Variants in ATP1A2 observed in about 807,000 individuals in gnomAD.
ATP1A2 encodes sodium/potassium-transporting ATPase subunit alpha-2.
Under a neutral mutation model 113.1 loss-of-function variants are expected in ATP1A2, and 56 were observed. That is an observed-to-expected ratio of 0.49 (90% CI 0.40 to 0.62). The LOEUF (loss-of-function observed/expected upper bound fraction) is 0.62, where lower values mean the gene tolerates loss of function less well. Among genes scored for constraint, ATP1A2 ranks in the 20% least tolerant of loss-of-function variants. The pLI is 0.00. For missense variants in ATP1A2, 712 were observed against 1,357.8 expected, an observed-to-expected ratio of 0.52 and a Z score of 7.47; for synonymous variants, 490 against 526.8, an observed-to-expected ratio of 0.93 and a Z score of 0.96.
chr1:160,125,319 G>T (rs1651552671), intron 7 of ATP1A2, 66 bp downstream of exon 7: 2 of 1,443,588 alleles, frequency 1.4e-6, no homozygotes, highest in South Asian at 1.1e-5. Context: ...AGGATGAAGG[G>T]CTCTGGTAGT....
rs547479153 is a variant in ATP1A2 at position 160,121,934 on chromosome 1, G to A, written c.177+683G>A. On this transcript the variant is annotated intron_variant, in intron 3 of 22. Transcript: ENST00000361216. ...ATCACTTAAGGTCAGCGGTTTGAGA[G>A]CAGCCTGGGCAACATGGCAAAACCC... 6.6e-5 allele frequency among the ~76,000 whole-genome samples: 10 copies of A among 152,226 alleles called. No individual in the cohort carries two copies. The South Asian group carries it at 2.1e-3, about 32-fold the overall frequency.
chr1:160,119,136 C>T (rs1221985440), intron 1 of ATP1A2, among the ~76,000 whole-genome samples: 1 of 151,054 alleles, frequency 6.6e-6, no homozygotes, highest in African/African-American at 2.4e-5. Flanking sequence ...TGTGTGGGGG[C>T]AGGAGATATA....
At chr1:160,138,267 C>T (rs1045370258) in intron 20 of ATP1A2, among the ~76,000 whole-genome samples, 1 of 152,178 alleles carries the variant, frequency 6.6e-6, no homozygotes, top group Non-Finnish European at 1.5e-5. Flanking sequence ...CTCACCTATG[C>T]GAAGGCAACC....
At chr1:160,127,380 G>A (rs1188328776) in intron 7 of ATP1A2, among the ~76,000 whole-genome samples, 172 bp from the exon 8 acceptor site, 2 of 152,194 alleles carry the variant, frequency 1.3e-5, no homozygotes, top group African/African-American at 2.4e-5. Flanking sequence ...AAGGATTGGC[G>A]ATCTATCCAG....
intron 17 of ATP1A2, 104 bp from the exon 18 acceptor site, chr1:160,136,143 T>G: frequency 6.2e-7 from 1 of 1,602,366 alleles, no homozygotes; most frequent in South Asian, 1.1e-5. Context: ...GAATACACGC[T>G]TTTTTAACTG....
intron 20 of ATP1A2, among the ~76,000 whole-genome samples, chr1:160,137,509 C>T (rs557419253): frequency 1.7e-3 from 260 of 152,282 alleles, no homozygotes; most frequent in Non-Finnish European, 3.2e-3. Context: ...TTTAGCCCCA[C>T]GATAGCTCTA....
rs78507938 is a variant in ATP1A2, at chr1:160,142,606, C to T, written c.*1284C>T. 0.014 allele frequency: 2,188 copies of T among 152,210 alleles called. 62 individuals carry two copies. The highest frequency in any genetic ancestry group is 0.049 in the African/African-American group (2,049 of 41,486). 9.4% of individuals were successfully genotyped at this position (152,210 alleles called of 1,614,324 possible). A position where few individuals can be genotyped will look rare whatever the true frequency, so the allele number is the denominator to read the frequency against. ...GGATCATGAGGTCAGGAGTTCGAGG[C>T]GAGCCTGGCCAACATGGTGAAACCC... is the stretch of plus-strand genomic sequence containing the variant. On this transcript the variant is annotated 3_prime_UTR_variant, in exon 23 of 23. Coordinates refer to ENST00000361216, the MANE Select transcript of ATP1A2 (RefSeq NM_000702.4).
intron 20 of ATP1A2, among the ~76,000 whole-genome samples, chr1:160,137,546 C>A (rs1319979428): frequency 6.6e-6 from 1 of 152,206 alleles, no homozygotes; most frequent in Non-Finnish European, 1.5e-5. Flanking sequence ...GTTTACATTT[C>A]ATGGATAAGA....
chr1:160,122,613 T>G (rs1295205624), intron 3 of ATP1A2, among the ~76,000 whole-genome samples: 1 of 152,130 alleles, frequency 6.6e-6, no homozygotes, highest in Non-Finnish European at 1.5e-5. Context: ...CAAGGCTTTC[T>G]GTGGAAAGTG....
Position 160,128,666 on chromosome 1 carries a change from G to A in ATP1A2, c.1032G>A (p.Leu344=), listed in dbSNP as rs1184210876. The change falls in exon 9 of 23, where the codon CTG becomes CTA. Residue 344 remains leucine (L), a synonymous_variant. Coordinates refer to ENST00000361216, the MANE Select transcript of ATP1A2 (RefSeq NM_000702.4). ...LLATVTVCLT[L]TAKRMARKNC... ...TTCTCTACCAGGTGTGCCTGACCCTGACAGCCAAGCGCATGGCACGGAAGA... is the reference window on the plus strand; with the variant it reads ...TTCTCTACCAGGTGTGCCTGACCCTAACAGCCAAGCGCATGGCACGGAAGA... The A allele has an allele frequency of 6.2e-7, 1 of 1,613,810 alleles. No homozygotes were observed. The highest frequency in any genetic ancestry group is 8.5e-7 in the Non-Finnish European group (1 of 1,179,686).
At chr1:160,130,744 G>A in intron 13 of ATP1A2, 147 bp downstream of exon 13, 1 of 1,178,196 alleles carries the variant, frequency 8.5e-7, no homozygotes, top group Non-Finnish European at 1.2e-6. Flanking sequence ...TGCAAGGAAA[G>A]GCCCACCCCT....
Position 160,141,466 on chromosome 1 carries a change from T to C in ATP1A2, c.*144T>C, listed in dbSNP as rs1180937389. 5.8e-6 allele frequency: 6 copies of C among 1,028,874 alleles called. No homozygotes were observed. Among genetic ancestry groups the C allele is most frequent in the Non-Finnish European group, 9.0e-6 (6 of 666,128 alleles). The allele number at this position is 1,028,874 out of a possible 1,614,324, so 63.7% of individuals were successfully genotyped here. A position where few individuals can be genotyped will look rare whatever the true frequency, so the allele number is the denominator to read the frequency against. On this transcript the variant is annotated 3_prime_UTR_variant, in exon 23 of 23. Coordinates refer to ENST00000361216, the MANE Select transcript of ATP1A2 (RefSeq NM_000702.4). ...TAATGAGGCAACTCAGCAGGCTAAG[T>C]TGCGGGGTATATAAATTGGGGTGAT...
intron 9 of ATP1A2, 32 bp from the exon 10 acceptor site, chr1:160,128,948 C>G (rs371640186): frequency 6.3e-7 from 1 of 1,594,628 alleles, no homozygotes; most frequent in Non-Finnish European, 8.6e-7. Context: ...TAAAGGGAGC[C>G]ACGCTCCTGG....
At position 160,121,076 on chromosome 1, in the gene ATP1A2, G is replaced by T. The variant is rs1651379821; in HGVS notation, c.117+66G>T. On this transcript the variant is annotated intron_variant, in intron 2 of 22. Coordinates refer to ENST00000361216, the MANE Select transcript of ATP1A2 (RefSeq NM_000702.4). ...GGGAGAGCTGTCCCTGCAGCCCATT[G>T]CACTCAGAGAAACTCCGTGTCCCCC... 10 of 1,605,872 alleles carry T rather than the reference G, an allele frequency of 6.2e-6. No homozygotes were observed. The South Asian group carries it at 7.7e-5, about 12-fold the overall frequency.
chr1:160,124,768 T>A lies in ATP1A2; in HGVS notation c.630+338T>A, dbSNP rs186558561. Among the ~76,000 whole-genome samples, 247 of 152,342 alleles carry A rather than the reference T, an allele frequency of 1.6e-3. 1 individual carries two copies. Among genetic ancestry groups the A allele is most frequent in the African/African-American group, 5.4e-3 (224 of 41,580 alleles). On this transcript the variant is annotated intron_variant, in intron 6 of 22. Coordinates refer to ENST00000361216, the MANE Select transcript of ATP1A2 (RefSeq NM_000702.4). ...GGTGTAATCATGCAGGGCTGCTGAA[T>A]GTGGCCACACACGTTGCATCCTGAA...
chr1:160,130,725 C>T, intron 13 of ATP1A2, 128 bp downstream of exon 13: 2 of 1,324,654 alleles, frequency 1.5e-6, no homozygotes, highest in Admixed American at 4.4e-5. Flanking sequence ...AGAGAAGAAG[C>T]TGTCCATCTG....
intron 7 of ATP1A2, among the ~76,000 whole-genome samples, chr1:160,125,880 G>C (rs2101987261): frequency 6.6e-6 from 1 of 152,348 alleles, no homozygotes; most frequent in Admixed American, 6.5e-5. Flanking sequence ...CTTAATGGCA[G>C]GGGTCCAAGC....
chr1:160,124,217 T>C, intron 5 of ATP1A2, 79 bp from the exon 6 acceptor site: 1 of 1,554,662 alleles, frequency 6.4e-7, no homozygotes, highest in South Asian at 1.2e-5. Flanking sequence ...TCCTTCTGCT[T>C]GACGGTGTGG....
intron 1 of ATP1A2, among the ~76,000 whole-genome samples, chr1:160,120,359 G>T (rs1030089904): frequency 3.3e-5 from 5 of 151,998 alleles, no homozygotes; most frequent in Non-Finnish European, 7.4e-5. Context: ...CACCAGACCT[G>T]GCTCTCCTCT....
Sources: gnomAD v4.1 joint callset for allele counts (sites outside exome capture counted in the v4.1 genomes callset) on GRCh38, gnomAD v4.1.1 for gene constraint, MANE v1.5 for transcripts, NCBI Gene and HGNC (gene_info 2026-07-23, HGNC 2026-07-21) for gene names.